PDE4D: variants seen among roughly 807,000 people sequenced by gnomAD.
PDE4D encodes phosphodiesterase 4D.
A neutral mutation model predicts 87.4 loss-of-function variants in PDE4D; 24 were observed. The observed-to-expected ratio is 0.27, with a 90% CI of 0.20 to 0.39. PDE4D has a LOEUF of 0.39. Ranked by LOEUF, PDE4D falls within the 10% of genes least tolerant of loss-of-function variation. The pLI, the probability that PDE4D is intolerant of heterozygous loss-of-function variation, is 1.00. For synonymous variants in PDE4D, 384 were observed against 383.2 expected, an observed-to-expected ratio of 1.00 and a Z score of -0.02; for missense variants, 714 against 1,041.0, an observed-to-expected ratio of 0.69 and a Z score of 4.32.
At position 58,975,413 on chromosome 5, in the gene PDE4D, T is replaced by G. The variant is rs3816996; in HGVS notation, c.2013+244A>C. ...AATAATGCCATGTGCTCTATGTATA[T>G]GAATATATTAAATGAATATAGTCAT... On this transcript the variant is annotated intron_variant, in intron 14 of 14. Coordinates refer to ENST00000340635, the MANE Select transcript of PDE4D (RefSeq NM_001104631.2). The surrounding 1 kb of genome is among the most constrained non-coding windows in gnomAD (Gnocchi z 4.2). Among the ~76,000 whole-genome samples the G allele has an allele frequency of 0.054, 8,181 of 152,242 alleles. 323 individuals are homozygous for G. Among genetic ancestry groups the G allele is most frequent in the South Asian group, 0.086 (413 of 4,822 alleles).
At chr5:59,352,869 T>G (rs181445002) in intron 1 of PDE4D, among the ~76,000 whole-genome samples, 2 of 152,312 alleles carry the variant, frequency 1.3e-5, no homozygotes, top group African/African-American at 4.8e-5. Context: ...CACATATGTA[T>G]TTAATTAATC....
chr5:59,510,448 A>T (rs1003475800), intron 1 of PDE4D, among the ~76,000 whole-genome samples: 2 of 151,804 alleles, frequency 1.3e-5, no homozygotes, highest in African/African-American at 2.4e-5. Context: ...GACACAAACG[A>T]GATACAGAAA....
At chr5:59,742,426 T>C (rs1758991211) in intron 1 of PDE4D, among the ~76,000 whole-genome samples, 1 of 152,192 alleles carries the variant, frequency 6.6e-6, no homozygotes, top group Admixed American at 6.6e-5. Context: ...TTTAGACACA[T>C]GGACAACCAT....
At chr5:59,143,678 T>C (rs892833601) in intron 5 of PDE4D, among the ~76,000 whole-genome samples, 3 of 152,230 alleles carry the variant, frequency 2.0e-5, no homozygotes, top group African/African-American at 7.2e-5. Context: ...CACTGCAAAG[T>C]GATAAAGCAA....
At chr5:60,468,137 C>CTTTTTTTTTTTTT (rs570783072) in intron 1 of PDE4D, among the ~76,000 whole-genome samples, 18 of 141,218 alleles carry the variant, frequency 1.3e-4, no homozygotes, top group African/African-American at 3.5e-4. Flanking sequence ...TTTCTTTTTT[C>CTTTTTTTTTTTTT]TTTTTTTTTT....
chr5:60,043,470 G>C (rs1301628053), intron 2 of PDE4D, among the ~76,000 whole-genome samples: 1 of 152,054 alleles, frequency 6.6e-6, no homozygotes, highest in African/African-American at 2.4e-5. Context: ...TCCTCGAGAA[G>C]AGCAACCCCA....
At chr5:60,393,274 C>A (rs1367745516) in intron 1 of PDE4D, among the ~76,000 whole-genome samples, 1 of 152,126 alleles carries the variant, frequency 6.6e-6, no homozygotes, top group Non-Finnish European at 1.5e-5. Context: ...AGAACTGGGC[C>A]CTTACTGATT....
At position 60,329,583 on chromosome 5, in the gene PDE4D, G is replaced by A. The variant is rs1757136673; in HGVS notation, c.-89-143896C>T. Among the ~76,000 whole-genome samples, 3 of 152,114 alleles carry A rather than the reference G, an allele frequency of 2.0e-5. 1 individual carries two copies. The highest frequency in any genetic ancestry group is 4.1e-4 in the South Asian group (2 of 4,826). On this transcript the variant is annotated intron_variant, in intron 1 of 16. Coordinates refer to the PDE4D transcript ENST00000502484. ...CTACCTGGGACTCTATGAGAGCAGAGGTAAAGTTCTGCCTCTGCTACAATA... is the reference window on the plus strand; with the variant it reads ...CTACCTGGGACTCTATGAGAGCAGAAGTAAAGTTCTGCCTCTGCTACAATA...
chr5:59,748,638 C>A (rs934583909), intron 1 of PDE4D, among the ~76,000 whole-genome samples: 2 of 124,590 alleles, frequency 1.6e-5, no homozygotes, highest in African/African-American at 6.5e-5. Context: ...ACATCACACA[C>A]CGGGGCCTAT....
At chr5:60,485,233 T>C (rs1749045017) in intron 1 of PDE4D, among the ~76,000 whole-genome samples, 1 of 152,208 alleles carries the variant, frequency 6.6e-6, no homozygotes, top group African/African-American at 2.4e-5. Flanking sequence ...CGTTTTGTTC[T>C]GCTTTTTTAA....
At chr5:60,393,579 A>T (rs1762697156) in intron 1 of PDE4D, among the ~76,000 whole-genome samples, 1 of 152,214 alleles carries the variant, frequency 6.6e-6, no homozygotes, top group Admixed American at 6.5e-5. Context: ...AATACTCTTC[A>T]ATTTAAAAGG....
At chr5:60,235,195 T>C (rs1010371894) in intron 1 of PDE4D, among the ~76,000 whole-genome samples, 4 of 151,916 alleles carry the variant, frequency 2.6e-5, no homozygotes, top group African/African-American at 9.7e-5. Context: ...AAACTCCTAT[T>C]TGGAATTCTG....
intron 2 of PDE4D, among the ~76,000 whole-genome samples, chr5:60,104,705 G>T (rs981832091): frequency 1.3e-5 from 2 of 152,188 alleles, no homozygotes; most frequent in Non-Finnish European, 2.9e-5. Flanking sequence ...TGCGGTTCAC[G>T]AAAATCCGCT....
intron 1 of PDE4D, among the ~76,000 whole-genome samples, chr5:59,582,357 T>C (rs559681364): frequency 3.9e-5 from 6 of 152,280 alleles, no homozygotes; most frequent in Non-Finnish European, 8.8e-5. Context: ...GAAAATGCAC[T>C]TCTGGATTGA....
chr5:59,081,912 G>C (rs569285699), intron 5 of PDE4D, among the ~76,000 whole-genome samples: 17 of 152,204 alleles, frequency 1.1e-4, no homozygotes, highest in African/African-American at 4.1e-4. Context: ...TCATAGGGCA[G>C]TTTCCCCCAT....
At chr5:60,155,076 T>C (rs1339832048) in intron 2 of PDE4D, among the ~76,000 whole-genome samples, 1 of 152,232 alleles carries the variant, frequency 6.6e-6, no homozygotes, top group African/African-American at 2.4e-5. Context: ...TAGTCTTTTA[T>C]GAAAAGTTGC....
intron 2 of PDE4D, among the ~76,000 whole-genome samples, chr5:60,077,400 C>A (rs557515393): frequency 2.6e-5 from 4 of 152,290 alleles, no homozygotes; most frequent in Non-Finnish European, 5.9e-5. Context: ...TGGGAGGCAA[C>A]AAGCATGCTG....
At chr5:59,943,818 T>G (rs4476687) in intron 3 of PDE4D, among the ~76,000 whole-genome samples, 91,883 of 152,032 alleles carry the variant, frequency 0.6, 32,006 homozygotes, top group East Asian at 0.84. Context: ...CACTACCATT[T>G]TTCAATATCT....
In PDE4D at chr5:59,337,921, C is replaced by T. The variant is rs116088570; in HGVS notation, c.456-121953G>A. Reference sequence around the variant, plus strand: ...TCTTGTGAACCCTCTTACTAACCACCTTCATTCCCATTTAGGCTTTTACAA... The same window carrying T: ...TCTTGTGAACCCTCTTACTAACCACTTTCATTCCCATTTAGGCTTTTACAA... On this transcript the variant is annotated intron_variant, in intron 1 of 14. Transcript: ENST00000340635. Among the ~76,000 whole-genome samples, 1,051 of 152,290 alleles carry T rather than the reference C, an allele frequency of 6.9e-3. 10 individuals are homozygous for T. Among genetic ancestry groups the T allele is most frequent in the African/African-American group, 0.024 (998 of 41,552 alleles).
Sources: allele counts gnomAD v4.1 joint callset (sites outside exome capture counted in the v4.1 genomes callset), GRCh38; gene constraint gnomAD v4.1.1; non-coding constraint Gnocchi (gnomAD v3.1); transcripts MANE v1.5; gene names NCBI Gene and HGNC (gene_info 2026-07-23, HGNC 2026-07-21).